CLIC5: variants seen among roughly 807,000 people sequenced by gnomAD.
CLIC5 encodes chloride intracellular channel protein 5.
A neutral mutation model predicts 24.7 loss-of-function variants in CLIC5; 20 were observed. That is an observed-to-expected ratio of 0.81 (90% CI 0.57 to 1.18). The LOEUF is 1.18. Among genes scored for constraint, CLIC5 ranks in the 50% most tolerant of loss-of-function variants. The pLI is 0.00. For missense variants in CLIC5, 341 were observed against 326.1 expected (o/e 1.05, Z -0.35); for synonymous variants, 159 against 135.6 (o/e 1.17, Z -1.20).
intron 1 of CLIC5, among the ~76,000 whole-genome samples, chr6:45,995,399 A>G (rs536960108): frequency 6.6e-6 from 1 of 152,256 alleles, no homozygotes; most frequent in Non-Finnish European, 1.5e-5. Flanking sequence ...CTCAGTGAGA[A>G]GCCTTCAATT....
downstream of CLIC5, among the ~76,000 whole-genome samples, chr6:45,893,558 G>T (rs903244292): frequency 3.3e-5 from 5 of 152,142 alleles, no homozygotes; most frequent in African/African-American, 1.2e-4. Flanking sequence ...AGCAGGGCCT[G>T]CCAGCTCTCT....
At chr6:45,995,432 G>A (rs1317073617) in intron 1 of CLIC5, among the ~76,000 whole-genome samples, 1 of 152,216 alleles carries the variant, frequency 6.6e-6, no homozygotes, top group African/African-American at 2.4e-5. Context: ...AGGGGATGGA[G>A]AGGGAGGAGA....
At chr6:45,953,181 A>G (rs1257734373) in intron 2 of CLIC5, among the ~76,000 whole-genome samples, 3 of 152,124 alleles carry the variant, frequency 2.0e-5, no homozygotes, top group Non-Finnish European at 4.4e-5. Flanking sequence ...TGTCTCAGTT[A>G]TTTCTCAAAT....
chr6:46,091,255 C>G, the CLIC5 span, among the ~76,000 whole-genome samples: 1 of 152,136 alleles, frequency 6.6e-6, no homozygotes, highest in South Asian at 2.1e-4. Context: ...TCCCAAGTCC[C>G]CTAACCCACC....
intron 1 of CLIC5, among the ~76,000 whole-genome samples, chr6:45,999,365 G>C (rs993479267): frequency 6.6e-6 from 1 of 152,022 alleles, no homozygotes; most frequent in African/African-American, 2.4e-5. Context: ...TCATTTGCTG[G>C]GTATATGGTG....
chr6:46,043,763 G>A (rs896517066), intron 1 of CLIC5, among the ~76,000 whole-genome samples: 4 of 145,306 alleles, frequency 2.8e-5, no homozygotes, highest in African/African-American at 9.8e-5. Flanking sequence ...CTCATGCACT[G>A]TGCTATGTCT....
chr6:45,953,831 G>T (rs576872051), intron 2 of CLIC5, among the ~76,000 whole-genome samples: 36 of 152,182 alleles, frequency 2.4e-4, no homozygotes, highest in Non-Finnish European at 4.4e-4. Context: ...CAGGGTGGCA[G>T]TGGTGAGACT....
the CLIC5 span, among the ~76,000 whole-genome samples, chr6:46,095,633 C>G: frequency 2.4e-3 from 368 of 152,342 alleles, 1 homozygote; most frequent in Non-Finnish European, 3.4e-3. Flanking sequence ...TAATAAGTTT[C>G]TCATCTCCAT....
intron 1 of CLIC5, among the ~76,000 whole-genome samples, chr6:46,046,854 G>A (rs1767967469): frequency 6.6e-6 from 1 of 152,122 alleles, no homozygotes. Context: ...TCATTGATTT[G>A]ACAATTTAAT....
At chr6:46,016,726 G>C (rs1767022227), upstream of CLIC5, among the ~76,000 whole-genome samples, 1 of 152,142 alleles carries the variant, frequency 6.6e-6, no homozygotes, top group Non-Finnish European at 1.5e-5. Flanking sequence ...CACAGCCCTA[G>C]AAGCTCCTCC....
At chr6:45,973,130 G>A (rs1029904780) in intron 1 of CLIC5, among the ~76,000 whole-genome samples, 2 of 152,150 alleles carry the variant, frequency 1.3e-5, no homozygotes, top group East Asian at 1.9e-4. Flanking sequence ...CAAACCTAGA[G>A]TCACTGAGCA....
chr6:45,965,475 C>G (rs527675955), intron 1 of CLIC5, among the ~76,000 whole-genome samples: 1 of 152,202 alleles, frequency 6.6e-6, no homozygotes, highest in Non-Finnish European at 1.5e-5. Flanking sequence ...TTTGTGTTCT[C>G]TCAACATCCG....
the CLIC5 span, chr6:46,123,096 C>A: frequency 6.6e-6 from 1 of 152,152 alleles, no homozygotes; most frequent in Non-Finnish European, 1.5e-5. Flanking sequence ...CCAGCGTCAT[C>A]CTGATACCAA....
chr6:46,033,299 T>C (rs1030740424), intron 1 of CLIC5, among the ~76,000 whole-genome samples: 2 of 151,864 alleles, frequency 1.3e-5, no homozygotes, highest in Non-Finnish European at 2.9e-5. Context: ...ATCTATAGTT[T>C]TTTTTTTTTT....
At chr6:46,060,447 A>C (rs1762221096) in intron 1 of CLIC5, among the ~76,000 whole-genome samples, 2 of 152,134 alleles carry the variant, frequency 1.3e-5, no homozygotes, top group African/African-American at 4.8e-5. Flanking sequence ...TGGGGGTGCT[A>C]ATAGTTGTAT....
chr6:45,902,908 C>T lies in CLIC5; in HGVS notation c.*180G>A, dbSNP rs1193204089. On this transcript the variant is annotated 3_prime_UTR_variant, in exon 6 of 6. Transcript: ENST00000339561. ...TCTGCTAGATTCCTATGTGAGGAGG[C>T]CAGGGATGGTGCTGACCTTCATGAA... The T allele has an allele frequency of 3.1e-6, 2 of 638,614 alleles. No individual in the cohort carries two copies. Among genetic ancestry groups the T allele is most frequent in the Non-Finnish European group, 5.4e-6 (2 of 371,828 alleles). 39.6% of individuals were successfully genotyped at this position (638,614 alleles called of 1,614,324 possible).
intron 4 of CLIC5, among the ~76,000 whole-genome samples, chr6:45,939,217 C>CTTTTTTTTTTTTTT (rs34976541): frequency 8.6e-6 from 1 of 115,782 alleles, no homozygotes; most frequent in African/African-American, 3.7e-5. Context: ...CTCCTCTCCT[C>CTTTTTTTTTTTTTT]TTTTTTTTTT....
chr6:45,912,833 T>A, intron 5 of CLIC5: 2 of 867,796 alleles, frequency 2.3e-6, no homozygotes, highest in Non-Finnish European at 3.7e-6. Flanking sequence ...AAGTGACTAT[T>A]GGCTTGGCCC....
chr6:45,945,168 C>G (rs139552004), intron 3 of CLIC5, among the ~76,000 whole-genome samples: 1 of 152,206 alleles, frequency 6.6e-6, no homozygotes, highest in South Asian at 2.1e-4. Flanking sequence ...TTTCTAACTC[C>G]TTGAGCTTCC....
Sources: allele counts gnomAD v4.1 joint callset (sites outside exome capture counted in the v4.1 genomes callset), GRCh38; gene constraint gnomAD v4.1.1; transcripts MANE v1.5; gene names NCBI Gene and HGNC (gene_info 2026-07-23, HGNC 2026-07-21).